SCN9A: variants seen among roughly 807,000 people sequenced by gnomAD.
SCN9A encodes sodium channel protein type 9 subunit alpha.
Under a neutral mutation model 187.0 loss-of-function variants are expected in SCN9A, and 131 were observed. The ratio of observed to expected loss-of-function variants is 0.70; its 90% CI spans 0.61 to 0.81. SCN9A has a LOEUF of 0.81. Among genes scored for constraint, SCN9A ranks in the 30% least tolerant of loss-of-function variants. The pLI is 0.00. For missense variants in SCN9A, 2,252 were observed against 2,396.6 expected (o/e 0.94, Z 1.26); for synonymous variants, 809 against 808.6 (o/e 1.00, Z -0.01).
chr2:166,242,286 T>G (rs1695600602), intron 19 of SCN9A, among the ~76,000 whole-genome samples: 2 of 151,476 alleles, frequency 1.3e-5, no homozygotes, highest in South Asian at 4.3e-4. Context: ...ATCTGGGTGG[T>G]CCTTTGGACA....
intron 1 of SCN9A, among the ~76,000 whole-genome samples, chr2:166,342,758 C>A (rs1278740549): frequency 6.6e-6 from 1 of 152,120 alleles, no homozygotes; most frequent in East Asian, 1.9e-4. Context: ...TTTTTTAAAT[C>A]TATCATTACC....
At chr2:166,266,635 C>T (rs1391359344) in intron 17 of SCN9A, among the ~76,000 whole-genome samples, 1 of 150,052 alleles carries the variant, frequency 6.7e-6, no homozygotes, top group African/African-American at 2.5e-5. Flanking sequence ...TGCATTAAAC[C>T]TGTAGATTGC....
At chr2:166,315,418 G>T (rs549242146) in intron 1 of SCN9A, among the ~76,000 whole-genome samples, 63 of 152,258 alleles carry the variant, frequency 4.1e-4, no homozygotes, top group African/African-American at 1.4e-3. Context: ...CACAGCTCCA[G>T]AATGACTAAA....
chr2:166,295,173 A>G (rs1414628591), intron 7 of SCN9A, among the ~76,000 whole-genome samples: 2 of 152,186 alleles, frequency 1.3e-5, no homozygotes, highest in Non-Finnish European at 2.9e-5. Flanking sequence ...TAAGGCAGAG[A>G]TGAAGTTGGT....
At chr2:166,304,627 A>T (rs75597232) in intron 5 of SCN9A, among the ~76,000 whole-genome samples, 5,745 of 152,192 alleles carry the variant, frequency 0.038, 198 homozygotes, top group South Asian at 0.14. Flanking sequence ...TTAATTTTTT[A>T]TAAAACATTG....
chr2:166,349,063 A>T (rs1056725168), intron 1 of SCN9A, among the ~76,000 whole-genome samples: 2 of 151,816 alleles, frequency 1.3e-5, no homozygotes, highest in Non-Finnish European at 2.9e-5. Flanking sequence ...AGGAGCGGAG[A>T]TTGCGGTGAG....
At chr2:166,271,843 G>C (rs1697002859) in intron 17 of SCN9A, among the ~76,000 whole-genome samples, 1 of 151,934 alleles carries the variant, frequency 6.6e-6, no homozygotes, top group Non-Finnish European at 1.5e-5. Flanking sequence ...GGGCAACAGA[G>C]TGAGACCTGT....
At chr2:166,226,068 C>T (rs1347590452) in intron 24 of SCN9A, among the ~76,000 whole-genome samples, 3 of 152,012 alleles carry the variant, frequency 2.0e-5, no homozygotes, top group Non-Finnish European at 4.4e-5. Flanking sequence ...CAGAAGATTG[C>T]TCAAATTACA....
chr2:166,330,064 C>T (rs1699464252), intron 1 of SCN9A, among the ~76,000 whole-genome samples: 1 of 152,144 alleles, frequency 6.6e-6, no homozygotes, highest in African/African-American at 2.4e-5. Context: ...AGTCTTCAAA[C>T]TATTCTAATT....
At chr2:166,301,668 A>T (rs936556097) in intron 7 of SCN9A, 4 of 150,886 alleles carry the variant, frequency 2.7e-5, no homozygotes, top group Non-Finnish European at 5.9e-5. Context: ...CAGTGAGAAA[A>T]CTTAAGTTTA....
chr2:166,311,327 ATCC>A (rs1698937132), intron 2 of SCN9A, among the ~76,000 whole-genome samples, 169 bp downstream of exon 2: 1 of 51,834 alleles, frequency 1.9e-5, no homozygotes, highest in African/African-American at 6.7e-5. Flanking sequence ...GATTCTGAAT[ATCC>A]TATATATATA....
In SCN9A at chr2:166,278,331, T is replaced by G; in HGVS notation, c.2344-18A>C. On this transcript the variant is annotated intron_variant, in intron 14 of 26. Coordinates refer to ENST00000642356, the MANE Select transcript of SCN9A (RefSeq NM_001365536.1). The stretch of plus-strand genomic sequence containing the variant: ...GTAAAGACCTAAGTGAGAAAAATAA[T>G]GTTTTTCTGTTAATATTAGAAAACA... 1.3e-6 allele frequency: 2 copies of G among 1,547,598 alleles called. No individual in the cohort carries two copies. Among genetic ancestry groups the G allele is most frequent in the Non-Finnish European group, 1.7e-6 (2 of 1,147,944 alleles).
At chr2:166,264,848 C>G (rs1696664316) in intron 17 of SCN9A, among the ~76,000 whole-genome samples, 1 of 151,792 alleles carries the variant, frequency 6.6e-6, no homozygotes, top group Non-Finnish European at 1.5e-5. Flanking sequence ...GGAAATATAC[C>G]CATAGCCCCT....
Position 166,308,925 on chromosome 2 carries a change from C to CAAAA in SCN9A, c.259-1855_259-1852dup, listed in dbSNP as rs397986566. On this transcript the variant is annotated intron_variant, in intron 2 of 26. Coordinates refer to ENST00000642356, the MANE Select transcript of SCN9A (RefSeq NM_001365536.1). ...TGGGCAACAGAGGGAGACTCTGTCT[C>CAAAA]AAAAAAAAAAAAAAAAAAAAGACTA... is the stretch of plus-strand genomic sequence containing the variant. Among the ~76,000 whole-genome samples the CAAAA allele has an allele frequency of 3.9e-3, 304 of 77,836 alleles. 12 individuals are homozygous for CAAAA. The highest frequency in any genetic ancestry group is 8.8e-3 in the Middle Eastern group (1 of 114). 51.1% of individuals were successfully genotyped at this position (77,836 alleles called of 152,430 possible).
intron 1 of SCN9A, among the ~76,000 whole-genome samples, chr2:166,360,698 ATCTG>A (rs1196817780): frequency 6.6e-6 from 1 of 152,212 alleles, no homozygotes; most frequent in African/African-American, 2.4e-5. Context: ...AGAGAAATAT[ATCTG>A]TCTTATAAAG....
intron 24 of SCN9A, among the ~76,000 whole-genome samples, chr2:166,213,614 T>C (rs527574606): frequency 6.6e-6 from 1 of 152,152 alleles, no homozygotes; most frequent in African/African-American, 2.4e-5. Context: ...TCTTAAAACT[T>C]TGAAGAGGAA....
At chr2:166,374,941 G>A (rs760694869) in intron 1 of SCN9A, among the ~76,000 whole-genome samples, 1 of 151,432 alleles carries the variant, frequency 6.6e-6, no homozygotes, top group Non-Finnish European at 1.5e-5. Flanking sequence ...CTAAAATAAT[G>A]AGTGAAATGT....
intron 1 of SCN9A, among the ~76,000 whole-genome samples, chr2:166,316,528 A>G (rs1282434393): frequency 2.0e-5 from 3 of 152,172 alleles, no homozygotes; most frequent in Admixed American, 2.0e-4. Context: ...CCCTGTCTCT[A>G]CTAAAAGTAC....
chr2:166,208,716 A>G (rs1693936737), intron 24 of SCN9A, among the ~76,000 whole-genome samples: 1 of 152,204 alleles, frequency 6.6e-6, no homozygotes, highest in South Asian at 2.1e-4. Flanking sequence ...GTTGGTTATT[A>G]GAAAGAGGCA....
Sources: gnomAD v4.1 joint callset for allele counts (sites outside exome capture counted in the v4.1 genomes callset) on GRCh38, gnomAD v4.1.1 for gene constraint, MANE v1.5 for transcripts, NCBI Gene and HGNC (gene_info 2026-07-23, HGNC 2026-07-21) for gene names.